HECW1: variants seen among roughly 807,000 people sequenced by gnomAD.
HECW1 encodes E3 ubiquitin-protein ligase HECW1.
A neutral mutation model predicts 182.3 loss-of-function variants in HECW1; 61 were observed. That is an observed-to-expected ratio of 0.33 (90% CI 0.27 to 0.41). The LOEUF (loss-of-function observed/expected upper bound fraction) is 0.41. Ranked by LOEUF, HECW1 falls within the 10% of genes least tolerant of loss-of-function variation. HECW1 has a pLI of 1.00. For synonymous variants in HECW1, 859 were observed against 832.6 expected (o/e 1.03, Z -0.55); for missense variants, 1,739 against 2,108.9 (o/e 0.82, Z 3.44).
In HECW1 at chr7:43,325,629, G is replaced by A. The variant is rs530914975; in HGVS notation, c.460+4887G>A. Among the ~76,000 whole-genome samples the A allele has an allele frequency of 7.9e-5, 12 of 152,148 alleles. No individual in the cohort carries two copies. In the South Asian group the frequency reaches 1.9e-3, roughly 24 times the overall value. ...CCTTCTCCCCCGCCCTTGTGTTGTC[G>A]TCACTGTCGTAGGCACCGCCTCCTC... On this transcript the variant is annotated intron_variant, in intron 5 of 29. Transcript: ENST00000395891.
chr7:43,269,545 G>C (rs1377212287), intron 3 of HECW1, among the ~76,000 whole-genome samples: 1 of 152,212 alleles, frequency 6.6e-6, no homozygotes, highest in Non-Finnish European at 1.5e-5. Flanking sequence ...TAGGAAGACA[G>C]TTTCAATATA....
intron 8 of HECW1, among the ~76,000 whole-genome samples, chr7:43,418,916 A>G (rs967782231): frequency 5.3e-5 from 8 of 152,124 alleles, no homozygotes; most frequent in African/African-American, 1.4e-4. Flanking sequence ...TCCAGGGGGT[A>G]TTGATGTTTT....
intron 8 of HECW1, among the ~76,000 whole-genome samples, chr7:43,419,963 A>G (rs1043413961): frequency 2.6e-5 from 4 of 152,220 alleles, no homozygotes; most frequent in Non-Finnish European, 4.4e-5. Flanking sequence ...AGCAACTTAG[A>G]ACTTTTTAAA....
At chr7:43,492,418 T>G (rs2078966718) in intron 18 of HECW1, among the ~76,000 whole-genome samples, 1 of 152,184 alleles carries the variant, frequency 6.6e-6, no homozygotes, top group Non-Finnish European at 1.5e-5. Context: ...TTTCTGTTCT[T>G]TCCCAAACTC....
chr7:43,255,093 C>G (rs1204789020), intron 3 of HECW1, among the ~76,000 whole-genome samples: 1 of 152,210 alleles, frequency 6.6e-6, no homozygotes, highest in Admixed American at 6.5e-5. Context: ...TGTTAGAACA[C>G]AAACTCTATG....
intron 19 of HECW1, among the ~76,000 whole-genome samples, chr7:43,498,014 C>T (rs112650676): frequency 2.6e-5 from 4 of 152,256 alleles, no homozygotes; most frequent in African/African-American, 7.2e-5. Context: ...TCCCGATGGT[C>T]AAGGGATATA....
chr7:43,556,682 T>C (rs570419815), intron 29 of HECW1, among the ~76,000 whole-genome samples: 3 of 148,500 alleles, frequency 2.0e-5, no homozygotes, highest in Non-Finnish European at 4.5e-5. Flanking sequence ...AGTGAGACCT[T>C]GTCTCAAATT....
At chr7:43,481,162 G>A (rs945507772) in intron 17 of HECW1, among the ~76,000 whole-genome samples, 2 of 152,178 alleles carry the variant, frequency 1.3e-5, no homozygotes, top group East Asian at 3.8e-4. Context: ...AGATGCAGAC[G>A]TGTTCACAGA....
chr7:43,411,800 T>C (rs1436910429), intron 8 of HECW1, among the ~76,000 whole-genome samples: 1 of 152,198 alleles, frequency 6.6e-6, no homozygotes. Context: ...TTATGTTTAG[T>C]GTTTGTTCCA....
At chr7:43,364,393 G>A (rs1391742835) in intron 6 of HECW1, among the ~76,000 whole-genome samples, 1 of 152,172 alleles carries the variant, frequency 6.6e-6, no homozygotes, top group Non-Finnish European at 1.5e-5. Flanking sequence ...TATGATGGAT[G>A]TGCTTATAGA....
chr7:43,443,145 A>G (rs1324500034), intron 10 of HECW1, among the ~76,000 whole-genome samples: 2 of 152,238 alleles, frequency 1.3e-5, no homozygotes, highest in Non-Finnish European at 2.9e-5. Flanking sequence ...TTAATGCTAA[A>G]ACAGATTTCA....
At chr7:43,554,568 C>T (rs1172556278) in intron 28 of HECW1, 24 bp from the exon 29 acceptor site, 2 of 1,598,332 alleles carry the variant, frequency 1.3e-6, no homozygotes, top group East Asian at 4.5e-5. Context: ...ATCCTGTCTT[C>T]CTCCCTCCCT....
At chr7:43,542,946 G>T (rs1352815719) in intron 26 of HECW1, among the ~76,000 whole-genome samples, 2 of 152,120 alleles carry the variant, frequency 1.3e-5, no homozygotes, top group Non-Finnish European at 2.9e-5. Flanking sequence ...ATACGTCAGG[G>T]ATTTCTGCTA....
chr7:43,149,077 G>C (rs896041415), intron 2 of HECW1, among the ~76,000 whole-genome samples: 1 of 152,128 alleles, frequency 6.6e-6, no homozygotes. Flanking sequence ...AAAATCCACA[G>C]ATGAATGCTA....
chr7:43,194,702 T>G lies in HECW1; in HGVS notation c.-31-49173T>G, dbSNP rs565781819. 3.9e-5 allele frequency among the ~76,000 whole-genome samples: 6 copies of G among 151,952 alleles called. No individual in the cohort carries two copies. The South Asian group carries it at 1.2e-3, about 32-fold the overall frequency. ...GGAAGGAGATGCTCTCCACCCTTTT[T>G]TTTTTTTTTGAGATGGAGTCTCACT... On this transcript the variant is annotated intron_variant, in intron 2 of 29. Transcript: ENST00000395891.
At chr7:43,402,101 G>A (rs1584778614) in intron 7 of HECW1, among the ~76,000 whole-genome samples, 1 of 152,108 alleles carries the variant, frequency 6.6e-6, no homozygotes, top group African/African-American at 2.4e-5. Context: ...CCTGCTGAGA[G>A]CTACCTCCGC....
intron 2 of HECW1, among the ~76,000 whole-genome samples, chr7:43,126,049 T>C (rs1458558718): frequency 1.3e-5 from 2 of 149,492 alleles, no homozygotes; most frequent in African/African-American, 2.5e-5. Context: ...GGCGTGCGTG[T>C]ATATGAGTTT....
intron 16 of HECW1, among the ~76,000 whole-genome samples, chr7:43,479,253 A>G (rs2078330591): frequency 6.6e-6 from 1 of 152,166 alleles, no homozygotes; most frequent in African/African-American, 2.4e-5. Context: ...AGAGACGGTG[A>G]CAGATCATCA....
chr7:43,163,933 G>A (rs142426180), intron 2 of HECW1, among the ~76,000 whole-genome samples: 84 of 152,350 alleles, frequency 5.5e-4, no homozygotes, highest in African/African-American at 1.5e-3. Flanking sequence ...AATTTATTTA[G>A]TATTTCTAGA....
Sources: gnomAD v4.1 joint callset for allele counts (sites outside exome capture counted in the v4.1 genomes callset) on GRCh38, gnomAD v4.1.1 for gene constraint, MANE v1.5 for transcripts, NCBI Gene and HGNC (gene_info 2026-07-23, HGNC 2026-07-21) for gene names.